Variants in CRACD observed in about 807,000 individuals in gnomAD.
The protein encoded by CRACD is capping protein inhibiting regulator of actin dynamics, also known as capping protein-inhibiting regulator of actin dynamics.
A neutral mutation model predicts 106.8 loss-of-function variants in CRACD; 56 were observed. That is an observed-to-expected ratio of 0.52 (90% CI 0.42 to 0.66). CRACD has a LOEUF of 0.66. CRACD is among the 30% of genes least tolerant of loss of function. CRACD has a pLI of 0.00. For missense variants in CRACD, 1,730 were observed against 1,623.2 expected (o/e 1.07, Z -1.13); for synonymous variants, 754 against 670.8 (o/e 1.12, Z -1.92).
At chr4:56,097,668 A>G (rs1341533569) in intron 1 of CRACD, among the ~76,000 whole-genome samples, 2 of 152,114 alleles carry the variant, frequency 1.3e-5, no homozygotes, top group African/African-American at 4.8e-5. Flanking sequence ...TAGACTATGG[A>G]TCTAAGCTGG....
intron 2 of CRACD, among the ~76,000 whole-genome samples, chr4:56,196,018 TA>T (rs1419682663): frequency 1.0e-3 from 155 of 152,310 alleles, no homozygotes; most frequent in African/African-American, 3.5e-3. Context: ...GTCCCTGAAA[TA>T]ACCCTACCTT....
At chr4:56,267,231 C>T (rs1018679740) in intron 2 of CRACD, among the ~76,000 whole-genome samples, 18 of 152,230 alleles carry the variant, frequency 1.2e-4, no homozygotes, top group African/African-American at 3.9e-4. Context: ...AGCAATTCTC[C>T]TGCCTCAGCC....
At chr4:56,298,441 G>A in intron 4 of CRACD, 92 bp downstream of exon 4, 1 of 1,469,002 alleles carries the variant, frequency 6.8e-7, no homozygotes, top group South Asian at 1.3e-5. Context: ...CTTGAGTAAT[G>A]GATTGGGAGG....
At chr4:56,228,567 C>G (rs1486851516) in intron 2 of CRACD, among the ~76,000 whole-genome samples, 1 of 130,740 alleles carries the variant, frequency 7.6e-6, no homozygotes. Context: ...CCCAGGAGTT[C>G]AAGACCAGCC....
chr4:56,286,032 T>C (rs1743319132), intron 3 of CRACD, among the ~76,000 whole-genome samples: 1 of 152,160 alleles, frequency 6.6e-6, no homozygotes, highest in Non-Finnish European at 1.5e-5. Flanking sequence ...ACTGCAGCTT[T>C]ATCTGGGAGG....
chr4:56,153,551 T>C (rs2109893849), intron 1 of CRACD, among the ~76,000 whole-genome samples: 1 of 152,092 alleles, frequency 6.6e-6, no homozygotes, highest in South Asian at 2.1e-4. Flanking sequence ...AGGCTCTTCA[T>C]GGCTTTCACC....
rs910545627 is a variant in CRACD at position 56,328,201 on chromosome 4, T to A, written c.*397T>A. On this transcript the variant is annotated 3_prime_UTR_variant, in exon 11 of 11. Transcript: ENST00000682029. Reference sequence around the variant, plus strand: ...TGATTCTATGCACTAATTTTCTTTGTCCAAAACATTTACTCTACCATATGT... The same window carrying A: ...TGATTCTATGCACTAATTTTCTTTGACCAAAACATTTACTCTACCATATGT... 5.6e-5 allele frequency: 24 copies of A among 426,512 alleles called. 1 individual carries two copies. The highest frequency in any genetic ancestry group is 4.3e-4 in the South Asian group (23 of 53,170). 26.4% of individuals were successfully genotyped at this position (426,512 alleles called of 1,614,324 possible).
chr4:56,238,004 C>G (rs1418376439), intron 2 of CRACD, among the ~76,000 whole-genome samples: 1 of 115,136 alleles, frequency 8.7e-6, no homozygotes, highest in East Asian at 7.6e-4. Context: ...AATTGTTTAT[C>G]TATCCATCCA....
intron 1 of CRACD, among the ~76,000 whole-genome samples, chr4:56,102,133 T>G (rs1298040540): frequency 1.3e-5 from 2 of 152,208 alleles, no homozygotes; most frequent in Non-Finnish European, 2.9e-5. Flanking sequence ...GTGTACATTT[T>G]CAGCCTTTCC....
intron 1 of CRACD, among the ~76,000 whole-genome samples, chr4:56,165,239 G>A (rs1736099458): frequency 6.6e-6 from 1 of 152,214 alleles, no homozygotes. Flanking sequence ...TCTCAGCCTA[G>A]TGGTTTAAAG....
intron 2 of CRACD, among the ~76,000 whole-genome samples, chr4:56,265,457 T>C (rs1741961888): frequency 2.0e-5 from 3 of 150,308 alleles, no homozygotes; most frequent in Non-Finnish European, 4.4e-5. Flanking sequence ...AAATATATGG[T>C]ACCAAAGAAA....
At chr4:56,302,620 C>G (rs1408553336) in intron 4 of CRACD, among the ~76,000 whole-genome samples, 1 of 152,160 alleles carries the variant, frequency 6.6e-6, no homozygotes, top group East Asian at 1.9e-4. Context: ...CTTCCTAGAG[C>G]AGGATGTCTT....
chr4:56,159,606 C>T (rs1373691711), intron 1 of CRACD, among the ~76,000 whole-genome samples: 1 of 152,010 alleles, frequency 6.6e-6, no homozygotes, highest in Non-Finnish European at 1.5e-5. Context: ...GAGCCAAGAT[C>T]GTGCCACTGC....
intron 1 of CRACD, among the ~76,000 whole-genome samples, chr4:56,152,327 T>C (rs1439958466): frequency 6.6e-6 from 1 of 151,948 alleles, no homozygotes; most frequent in Non-Finnish European, 1.5e-5. Flanking sequence ...GCAAATAGTT[T>C]TTTCTTTTTG....
chr4:56,260,619 T>C (rs1286536849), intron 2 of CRACD, among the ~76,000 whole-genome samples: 1 of 152,176 alleles, frequency 6.6e-6, no homozygotes, highest in Non-Finnish European at 1.5e-5. Flanking sequence ...CAGTTGACTT[T>C]AAGTAAGGGA....
chr4:56,089,579 C>T (rs1341130196), intron 1 of CRACD, among the ~76,000 whole-genome samples: 3 of 149,212 alleles, frequency 2.0e-5, no homozygotes, highest in Non-Finnish European at 3.0e-5. Flanking sequence ...AATGGCACGA[C>T]CTCAGCTCAC....
chr4:56,083,364 A>C (rs980944124), intron 1 of CRACD, among the ~76,000 whole-genome samples: 1 of 152,204 alleles, frequency 6.6e-6, no homozygotes, highest in African/African-American at 2.4e-5. Context: ...ACTTTTGTGA[A>C]GATAAAAGGC....
At chr4:56,264,452 A>G (rs1010533968) in intron 2 of CRACD, among the ~76,000 whole-genome samples, 1 of 139,994 alleles carries the variant, frequency 7.1e-6, no homozygotes, top group African/African-American at 2.6e-5. Flanking sequence ...TATACCACAT[A>G]TGCCACATAT....
intron 2 of CRACD, among the ~76,000 whole-genome samples, chr4:56,194,351 G>C (rs1175783285): frequency 1.3e-5 from 2 of 152,148 alleles, no homozygotes; most frequent in Non-Finnish European, 2.9e-5. Context: ...ATTTAAGTGA[G>C]CAACATGGAG....
Sources: allele counts gnomAD v4.1 joint callset (sites outside exome capture counted in the v4.1 genomes callset), GRCh38; gene constraint gnomAD v4.1.1; transcripts MANE v1.5; gene names NCBI Gene and HGNC (gene_info 2026-07-23, HGNC 2026-07-21).